The following PSTPIP1 variants were observed in gnomAD, a reference collection of about 807,000 sequenced individuals.
PSTPIP1 encodes proline-serine-threonine phosphatase-interacting protein 1.
Under a neutral mutation model 69.6 loss-of-function variants are expected in PSTPIP1, and 66 were observed. The observed-to-expected ratio is 0.95, with a 90% CI of 0.78 to 1.16. The LOEUF is 1.16. Among genes scored for constraint, PSTPIP1 ranks in the 50% most tolerant of loss-of-function variants. PSTPIP1 has a pLI of 0.00. For missense variants in PSTPIP1, 603 were observed against 557.4 expected, an observed-to-expected ratio of 1.08 and a Z score of -0.82; for synonymous variants, 266 against 222.7, an observed-to-expected ratio of 1.19 and a Z score of -1.73.
At chr15:77,031,321 T>C in intron 10 of PSTPIP1, 43 bp downstream of exon 10, 1 of 1,588,242 alleles carries the variant, frequency 6.3e-7, no homozygotes, top group Non-Finnish European at 8.6e-7. Context: ...TAGGGCAGCC[T>C]CTAGGCAGCA....
chr15:77,035,625 C>T, intron 13 of PSTPIP1, 62 bp downstream of exon 13: 1 of 1,522,890 alleles, frequency 6.6e-7, no homozygotes, highest in Non-Finnish European at 8.9e-7. Context: ...AGAGGTCTCC[C>T]ACATGGCACA....
At position 77,015,287 on chromosome 15, in the gene PSTPIP1, G is replaced by A. The variant is rs80227391; in HGVS notation, c.37-2861G>A. ...TGTAGGTATATGGCTTTGGGGACAG[G>A]TTGACCTGCATTCAGATCCCAAACT... On this transcript the variant is annotated intron_variant, in intron 1 of 14. Transcript: ENST00000558012. Among the ~76,000 whole-genome samples, 1,509 of 152,272 alleles carry A rather than the reference G, an allele frequency of 9.9e-3. 18 individuals are homozygous for A. The highest frequency in any genetic ancestry group is 0.035 in the African/African-American group (1,436 of 41,546).
At chr15:77,034,224 C>G (rs1039666438) in intron 12 of PSTPIP1, among the ~76,000 whole-genome samples, 3 of 152,038 alleles carry the variant, frequency 2.0e-5, no homozygotes, top group African/African-American at 7.3e-5. Flanking sequence ...CACAATGGCT[C>G]AGCAAGCCCT....
chr15:77,035,674 C>A, intron 13 of PSTPIP1, 111 bp downstream of exon 13: 1 of 1,473,868 alleles, frequency 6.8e-7, no homozygotes, highest in Non-Finnish European at 9.2e-7. Flanking sequence ...AGTGTGTGTC[C>A]CCCAACAGCA....
chr15:76,995,041 G>A (rs1212012177), upstream of PSTPIP1: 5 of 1,191,746 alleles, frequency 4.2e-6, no homozygotes, highest in East Asian at 5.8e-5. Flanking sequence ...AGGATGGCAG[G>A]TGGCAGGCGG....
chr15:77,001,439 G>A (rs1458826344), intron 1 of PSTPIP1, among the ~76,000 whole-genome samples: 1 of 152,242 alleles, frequency 6.6e-6, no homozygotes, highest in Admixed American at 6.5e-5. Context: ...GGAAACCAGA[G>A]CCTGCACTGA....
At chr15:76,997,538 ATC>A (rs1183431059) in intron 1 of PSTPIP1, among the ~76,000 whole-genome samples, 1 of 152,254 alleles carries the variant, frequency 6.6e-6, no homozygotes, top group Non-Finnish European at 1.5e-5. Flanking sequence ...TGCTACTGTT[ATC>A]TCTCTTATTC....
intron 1 of PSTPIP1, among the ~76,000 whole-genome samples, chr15:77,017,304 C>T (rs2076070593): frequency 6.6e-6 from 1 of 152,208 alleles, no homozygotes; most frequent in South Asian, 2.1e-4. Flanking sequence ...GCAGCTCAGA[C>T]ACACACCTGG....
chr15:77,009,691 C>A (rs1451254340), intron 1 of PSTPIP1, among the ~76,000 whole-genome samples: 1 of 152,138 alleles, frequency 6.6e-6, no homozygotes, highest in Non-Finnish European at 1.5e-5. Context: ...TCCTCAGAGC[C>A]CCTGGAAGTG....
intron 3 of PSTPIP1, among the ~76,000 whole-genome samples, chr15:77,022,546 C>T (rs1171791219): frequency 6.6e-6 from 1 of 152,190 alleles, no homozygotes; most frequent in Non-Finnish European, 1.5e-5. Flanking sequence ...AGTTTCCCTG[C>T]ACAGACGGTG....
rs1246574846 is a variant in PSTPIP1, at chr15:77,031,162, C to G, written c.643-18C>G. 8.1e-6 allele frequency: 13 copies of G among 1,609,638 alleles called. No homozygotes were observed. The highest frequency in any genetic ancestry group is 1.1e-5 in the Non-Finnish European group (13 of 1,177,984). ...GCAGCCGCCTCCTCACTGCTCACCT[C>G]CCTCCCACTGCCCCCAGGCCTTTCA... On this transcript the variant is annotated intron_variant, in intron 9 of 14. Transcript: ENST00000558012.
intron 1 of PSTPIP1, among the ~76,000 whole-genome samples, chr15:77,003,320 C>T (rs1179689747): frequency 1.3e-5 from 2 of 152,124 alleles, no homozygotes; most frequent in East Asian, 1.9e-4. Context: ...CTGCCCACAC[C>T]AGGACTCTCC....
chr15:77,011,197 G>A (rs1368050303), intron 1 of PSTPIP1, among the ~76,000 whole-genome samples: 14 of 152,250 alleles, frequency 9.2e-5, no homozygotes, highest in Admixed American at 9.2e-4. Flanking sequence ...TCATCTTCAT[G>A]ACAGACAGTA....
intron 6 of PSTPIP1, among the ~76,000 whole-genome samples, 163 bp downstream of exon 6, chr15:77,028,077 G>GCCCGTGCTGGGCGCTATGGC (rs2076325655): frequency 1.3e-5 from 2 of 152,208 alleles, no homozygotes; most frequent in Non-Finnish European, 2.9e-5. Context: ...GGGCGCTTGG[G>GCCCGTGCTGGGCGCTATGGC]CCCGTGCTGG....
intron 1 of PSTPIP1, 25 bp from the exon 2 acceptor site, chr15:77,018,121 CAT>C: frequency 6.4e-7 from 1 of 1,557,428 alleles, no homozygotes; most frequent in South Asian, 1.2e-5. Flanking sequence ...TCGTGGCCCT[CAT>C]GTGTCCTTCT....
At chr15:76,994,781 C>T, upstream of PSTPIP1, 1 of 1,289,094 alleles carries the variant, frequency 7.8e-7, no homozygotes, top group Non-Finnish European at 1.0e-6. Flanking sequence ...CCAGAGCAGC[C>T]AGGGTTTGAT....
intron 5 of PSTPIP1, chr15:77,026,098 C>T (rs1441142069): frequency 4.4e-6 from 2 of 456,310 alleles, no homozygotes; most frequent in Non-Finnish European, 8.8e-6. Flanking sequence ...TCCAAAGGTA[C>T]TTCTCACCCA....
At position 77,028,568 on chromosome 15, in the gene PSTPIP1, C is replaced by T. The variant is rs370003508; in HGVS notation, c.432C>T (p.Tyr144=). 1.4e-5 allele frequency: 23 copies of T among 1,601,660 alleles called. No individual in the cohort carries two copies. Among genetic ancestry groups the T allele is most frequent in the Non-Finnish European group, 2.0e-5 (23 of 1,174,986 alleles). Residue 144 remains tyrosine, a synonymous_variant, in exon 7 of 15, where the codon TAC becomes TAT. Coordinates refer to ENST00000558012, the MANE Select transcript of PSTPIP1 (RefSeq NM_003978.5). ...YKKAMESKKT[Y]EQKCRDADDA... is the part of the protein sequence containing the mutation. ...CACACCCCCAGTCCAAGAAGACATA[C>T]GAGCAGAAGTGCCGGGACGCGGACG...
intron 6 of PSTPIP1, chr15:77,028,256 C>T (rs971689071): frequency 4.0e-6 from 2 of 495,996 alleles, no homozygotes; most frequent in Non-Finnish European, 7.3e-6. Flanking sequence ...GAGGGCGCGG[C>T]GTGGCGAGGG....
Sources: allele counts gnomAD v4.1 joint callset (sites outside exome capture counted in the v4.1 genomes callset), GRCh38; gene constraint gnomAD v4.1.1; transcripts MANE v1.5; gene names NCBI Gene and HGNC (gene_info 2026-07-23, HGNC 2026-07-21).